Variants in GPC5 observed in about 807,000 individuals in gnomAD.
GPC5 encodes glypican 5, also known as glypican-5.
Under a neutral mutation model 53.9 loss-of-function variants are expected in GPC5, and 47 were observed. The ratio of observed to expected loss-of-function variants is 0.87; its 90% confidence interval spans 0.69 to 1.11. The LOEUF (loss-of-function observed/expected upper bound fraction) is 1.11. GPC5 is among the 50% of genes most tolerant of loss of function. GPC5 has a pLI of 0.00. For missense variants in GPC5, 748 were observed against 713.1 expected (o/e 1.05, Z -0.56); for synonymous variants, 286 against 263.3 (o/e 1.09, Z -0.84).
intron 2 of GPC5, among the ~76,000 whole-genome samples, chr13:91,576,925 A>G (rs1427972599): frequency 1.5e-5 from 2 of 133,924 alleles, no homozygotes; most frequent in Non-Finnish European, 3.2e-5. Context: ...CTTCTGGTTC[A>G]TCTGTAAAAA....
intron 5 of GPC5, among the ~76,000 whole-genome samples, chr13:91,896,662 C>A (rs187405124): frequency 6.6e-6 from 1 of 152,076 alleles, no homozygotes; most frequent in Non-Finnish European, 1.5e-5. Flanking sequence ...TCATCTAGAC[C>A]GGAAACTTCC....
chr13:92,055,678 C>G (rs750781030), intron 6 of GPC5, among the ~76,000 whole-genome samples: 2 of 152,056 alleles, frequency 1.3e-5, no homozygotes, highest in Non-Finnish European at 2.9e-5. Flanking sequence ...GGGGAAGAAC[C>G]CTGAATTTAT....
chr13:92,799,077 AT>A (rs1047369740), intron 7 of GPC5, among the ~76,000 whole-genome samples: 2 of 150,902 alleles, frequency 1.3e-5, no homozygotes, highest in Admixed American at 6.6e-5. Flanking sequence ...GATCAGACTG[AT>A]TTTTTTTTCA....
At chr13:92,696,523 C>T (rs534618933) in intron 7 of GPC5, among the ~76,000 whole-genome samples, 46 of 152,232 alleles carry the variant, frequency 3.0e-4, no homozygotes, top group South Asian at 8.3e-4. Flanking sequence ...TCATAGCCTT[C>T]GCCCACTTTT....
At chr13:91,966,231 A>T (rs2040179359) in intron 6 of GPC5, among the ~76,000 whole-genome samples, 1 of 152,210 alleles carries the variant, frequency 6.6e-6, no homozygotes, top group African/African-American at 2.4e-5. Context: ...AATACAGAAC[A>T]ACTTACTTTA....
intron 6 of GPC5, among the ~76,000 whole-genome samples, chr13:91,959,299 C>A (rs1268669752): frequency 1.3e-5 from 2 of 151,392 alleles, no homozygotes; most frequent in Non-Finnish European, 2.9e-5. Context: ...ACAGGAAAAC[C>A]TAGAAGAAAT....
intron 7 of GPC5, among the ~76,000 whole-genome samples, chr13:92,303,376 C>A (rs1022339903): frequency 1.3e-5 from 2 of 151,930 alleles, no homozygotes; most frequent in Non-Finnish European, 2.9e-5. Context: ...TGAAGAATGT[C>A]TCATTCTGAA....
chr13:92,037,270 T>G (rs913892995), intron 6 of GPC5, among the ~76,000 whole-genome samples: 13 of 152,132 alleles, frequency 8.5e-5, no homozygotes, highest in African/African-American at 2.4e-4. Flanking sequence ...TTTCTTGCTA[T>G]TCCTCCAAAA....
At chr13:92,382,826 G>A (rs937798707) in intron 7 of GPC5, among the ~76,000 whole-genome samples, 2 of 151,414 alleles carry the variant, frequency 1.3e-5, no homozygotes, top group Non-Finnish European at 2.9e-5. Flanking sequence ...GTGAAACCCC[G>A]TCTCTACTAA....
chr13:92,503,861 A>C (rs571105471), intron 7 of GPC5, among the ~76,000 whole-genome samples: 2 of 152,070 alleles, frequency 1.3e-5, no homozygotes, highest in African/African-American at 4.8e-5. Context: ...TTTAATTTGT[A>C]GTTAGTCTTT....
chr13:91,857,881 T>C (rs2038984129), intron 5 of GPC5, among the ~76,000 whole-genome samples: 1 of 151,594 alleles, frequency 6.6e-6, no homozygotes, highest in Non-Finnish European at 1.5e-5. Context: ...CAGATCACTA[T>C]ATGGATTTGT....
chr13:92,145,640 G>A (rs1416218034), intron 7 of GPC5, among the ~76,000 whole-genome samples: 1 of 152,018 alleles, frequency 6.6e-6, no homozygotes, highest in East Asian at 1.9e-4. Context: ...AGGAATATAG[G>A]TTCTCCACAC....
chr13:91,462,050 A>T (rs1045683133), intron 2 of GPC5, among the ~76,000 whole-genome samples: 8 of 152,192 alleles, frequency 5.3e-5, no homozygotes, highest in Non-Finnish European at 1.2e-4. Flanking sequence ...AAGTGGTATT[A>T]AATTGCTATG....
intron 7 of GPC5, among the ~76,000 whole-genome samples, chr13:92,779,117 G>A (rs943030737): frequency 3.3e-5 from 5 of 152,044 alleles, no homozygotes; most frequent in Admixed American, 1.3e-4. Context: ...TGGCTGGGGA[G>A]GCCTCACAAT....
Position 92,192,621 on chromosome 13 carries a change from G to A in GPC5, c.1561+47632G>A, listed in dbSNP as rs1212765699. ...AAGTATTGTTTAGTTGAAGCATTTG[G>A]TAATTATGAAATTAGATGTCTATTG... On this transcript the variant is annotated intron_variant, in intron 7 of 7. Transcript: ENST00000377067. 3.3e-5 allele frequency among the ~76,000 whole-genome samples: 5 copies of A among 152,044 alleles called. No homozygotes were observed. In the South Asian group the frequency reaches 6.2e-4, roughly 19 times the overall value.
chr13:92,486,547 G>A (rs921037015), intron 7 of GPC5, among the ~76,000 whole-genome samples: 9 of 152,212 alleles, frequency 5.9e-5, no homozygotes, highest in African/African-American at 1.9e-4. Context: ...GGAAAGTGGG[G>A]TAAATTGAAA....
intron 7 of GPC5, chr13:92,240,290 T>C (rs2042601991): frequency 6.8e-6 from 1 of 146,448 alleles, no homozygotes; most frequent in South Asian, 2.2e-4. Context: ...CAACTGGTGC[T>C]TTTTTTTTTG....
chr13:92,663,050 C>T (rs1424809779), intron 7 of GPC5, among the ~76,000 whole-genome samples: 2 of 152,150 alleles, frequency 1.3e-5, no homozygotes, highest in Admixed American at 6.5e-5. Context: ...GAAAAATAGA[C>T]ATGCAAGCCA....
chr13:91,832,315 T>C (rs1447941196), intron 5 of GPC5, among the ~76,000 whole-genome samples: 2 of 150,776 alleles, frequency 1.3e-5, no homozygotes, highest in Non-Finnish European at 3.0e-5. Flanking sequence ...TTTTTTTTTT[T>C]TTTGCTTTCC....
Sources: allele counts gnomAD v4.1 joint callset (sites outside exome capture counted in the v4.1 genomes callset), GRCh38; gene constraint gnomAD v4.1.1; transcripts MANE v1.5; gene names NCBI Gene and HGNC (gene_info 2026-07-23, HGNC 2026-07-21).